CCDC82: variants seen among roughly 807,000 people sequenced by gnomAD.
The protein encoded by CCDC82 is coiled-coil domain-containing protein 82.
Under a neutral mutation model 60.6 loss-of-function variants are expected in CCDC82, and 47 were observed. The observed-to-expected ratio is 0.77, with a 90% CI of 0.61 to 0.99. The LOEUF is 0.99. CCDC82 is among the 50% of genes least tolerant of loss of function. The pLI is 0.00. For missense variants in CCDC82, 588 were observed against 633.0 expected, an observed-to-expected ratio of 0.93 and a Z score of 0.76; for synonymous variants, 212 against 207.4, an observed-to-expected ratio of 1.02 and a Z score of -0.19.
rs1445051720 is a variant in CCDC82 at position 96,384,740 on chromosome 11, T to C, written c.8A>G (p.His3Arg). 4 of 1,588,714 alleles carry C rather than the reference T, an allele frequency of 2.5e-6. No individual in the cohort carries two copies. The highest frequency in any genetic ancestry group is 2.2e-5 in the East Asian group (1 of 44,774). MI[H>R]VRRHETRRNS... is the part of the protein sequence containing the mutation. Reference sequence around the variant, plus strand: ...TCTCCTTGTTTCATGTCTTCTAACATGTATCATTTTCACTTAAGCTTCTAT... The same window carrying C: ...TCTCCTTGTTTCATGTCTTCTAACACGTATCATTTTCACTTAAGCTTCTAT... Residue 3 changes from histidine (H) to arginine (R), a missense_variant, in exon 4 of 10, where the codon CAT becomes CGT. His to Arg is a conservative substitution (Grantham distance 29, BLOSUM62 0). Coordinates refer to ENST00000646818, the MANE Select transcript of CCDC82 (RefSeq NM_024725.4).
At chr11:96,377,160 C>A (rs1222946959) in intron 5 of CCDC82, among the ~76,000 whole-genome samples, 5 of 152,168 alleles carry the variant, frequency 3.3e-5, no homozygotes, top group Admixed American at 6.5e-5. Flanking sequence ...GAGGCAGAGG[C>A]AGAACAAGAA....
Position 96,376,625 on chromosome 11 carries a change from T to C in CCDC82, c.992-3158A>G, listed in dbSNP as rs192993105. On this transcript the variant is annotated intron_variant, in intron 5 of 9. Transcript: ENST00000646818. ...GTACTTTTAGTAGAGACAGGGTTTC[T>C]GTGTGTTGGCCAGGCTGGTCTCGAA... 5.0e-3 allele frequency among the ~76,000 whole-genome samples: 753 copies of C among 152,034 alleles called. 9 individuals are homozygous for C. Among genetic ancestry groups the C allele is most frequent in the African/African-American group, 0.017 (706 of 41,480 alleles).
intron 7 of CCDC82, among the ~76,000 whole-genome samples, chr11:96,369,911 G>A (rs1368532227): frequency 1.3e-5 from 2 of 152,188 alleles, no homozygotes; most frequent in Admixed American, 1.3e-4. Context: ...TCTAAAAGCT[G>A]TGCCTGTACT....
Position 96,384,196 on chromosome 11 carries a change from C to T in CCDC82, c.552G>A (p.Arg184=). The T allele has an allele frequency of 6.2e-7, 1 of 1,613,858 alleles. No homozygotes were observed. Among genetic ancestry groups the T allele is most frequent in the South Asian group, 1.1e-5 (1 of 91,074 alleles). The change falls in exon 4 of 10, where the codon AGG becomes AGA. Residue 184 remains arginine (R), a synonymous_variant. Transcript: ENST00000646818. The part of the protein sequence containing the change: ...EEDIKRGKRK[R]LSSVMCDSDE... The stretch of plus-strand genomic sequence containing the variant: ...CACTGTCACACATCACAGAGGATAG[C>T]CTTTTTCTTTTTCCTCGCTTGATGT...
chr11:96,358,560 G>A (rs764124361), intron 9 of CCDC82: 45 of 1,234,846 alleles, frequency 3.6e-5, no homozygotes, highest in East Asian at 9.4e-5. Context: ...ACTGGCAGCC[G>A]AGATCCTTTC....
Position 96,384,497 on chromosome 11 carries a change from T to G in CCDC82, c.251A>C (p.Glu84Ala). 1.2e-6 allele frequency: 2 copies of G among 1,613,824 alleles called. No homozygotes were observed. The highest frequency in any genetic ancestry group is 1.7e-6 in the Non-Finnish European group (2 of 1,179,818). ...DCNKTPGSER[E>A]LNLSKIQSEG... The stretch of plus-strand genomic sequence containing the variant: ...ACTTTGAATTTTACTTAAGTTGAGC[T>G]CTCTTTCACTTCCTGGTGTTTTATT... The change falls in exon 4 of 10, where the codon GAG (glutamate) becomes GCG (alanine). Residue 84 changes from glutamate to alanine, a missense_variant. Physicochemically the swap from Glu to Ala is moderately radical, Grantham distance 107. Transcript: ENST00000646818.
At chr11:96,369,021 C>T (rs1478635988) in intron 7 of CCDC82, among the ~76,000 whole-genome samples, 1 of 152,316 alleles carries the variant, frequency 6.6e-6, no homozygotes, top group East Asian at 1.9e-4. Flanking sequence ...TGCACTTTTA[C>T]GTTATGGAGA....
At chr11:96,388,867 C>A (rs1003321522) in intron 1 of CCDC82, 1 of 152,066 alleles carries the variant, frequency 6.6e-6, no homozygotes, top group African/African-American at 2.4e-5. Context: ...GATTAATAAG[C>A]CGAAAAATAA....
intron 9 of CCDC82, chr11:96,356,774 A>G (rs1013166411): frequency 1.0e-6 from 1 of 985,144 alleles, no homozygotes; most frequent in African/African-American, 1.7e-5. Context: ...AACCTTTAGA[A>G]GGAAGAACAA....
chr11:96,370,006 G>A (rs1865176922), intron 7 of CCDC82, among the ~76,000 whole-genome samples: 1 of 152,212 alleles, frequency 6.6e-6, no homozygotes. Flanking sequence ...AATGGGTTCA[G>A]AGAGGTTAAA....
chr11:96,354,245 T>C (rs1231704839), intron 9 of CCDC82: 2 of 152,414 alleles, frequency 1.3e-5, no homozygotes, highest in Non-Finnish European at 2.9e-5. Context: ...ATTTAAGTTG[T>C]CCTGGAAAAA....
At chr11:96,367,178 A>G (rs1009726636) in intron 7 of CCDC82, among the ~76,000 whole-genome samples, 1 of 152,238 alleles carries the variant, frequency 6.6e-6, no homozygotes, top group Non-Finnish European at 1.5e-5. Context: ...TTCTTAAAAC[A>G]AGACAATAAA....
chr11:96,361,006 T>C (rs1375823916), intron 8 of CCDC82, among the ~76,000 whole-genome samples: 1 of 152,258 alleles, frequency 6.6e-6, no homozygotes, highest in African/African-American at 2.4e-5. Context: ...TGTACATGGC[T>C]TATTAAAATT....
chr11:96,380,546 C>A (rs1345290161), intron 5 of CCDC82: 1 of 151,762 alleles, frequency 6.6e-6, no homozygotes, highest in Non-Finnish European at 1.5e-5. Context: ...ATGTTTATAG[C>A]AGCTTTATTC....
chr11:96,385,707 G>A (rs1866154650), intron 3 of CCDC82: 1 of 151,942 alleles, frequency 6.6e-6, no homozygotes, highest in Admixed American at 6.6e-5. Context: ...GTATTGGGAA[G>A]GAAAACAAAA....
At chr11:96,355,262 C>T (rs1310003998) in intron 9 of CCDC82, 1 of 152,036 alleles carries the variant, frequency 6.6e-6, no homozygotes, top group Non-Finnish European at 1.5e-5. Flanking sequence ...GTCTCACTAT[C>T]TTGCTCAGGC....
At chr11:96,358,752 G>T in intron 9 of CCDC82, 1 of 915,160 alleles carries the variant, frequency 1.1e-6, no homozygotes, top group Non-Finnish European at 1.5e-6. Flanking sequence ...CTTCAATAAA[G>T]GACAGTGTTA....
At position 96,371,148 on chromosome 11, in the gene CCDC82, G is replaced by T; in HGVS notation, c.1085-11C>A. 1 of 1,504,726 alleles carries T rather than the reference G, an allele frequency of 6.6e-7. No individual in the cohort carries two copies. Among genetic ancestry groups the T allele is most frequent in the Non-Finnish European group, 8.9e-7 (1 of 1,127,046 alleles). 93.2% of individuals were successfully genotyped at this position (1,504,726 alleles called of 1,614,324 possible). On this transcript the variant is annotated splice_polypyrimidine_tract_variant and intron_variant, in intron 6 of 9. Coordinates refer to ENST00000646818, the MANE Select transcript of CCDC82 (RefSeq NM_024725.4). Reference sequence around the variant, plus strand: ...TTTGCCTTGTGCCATCTGTTCAGGGGATAAACAACAAAAAAAATCATTTTG... The same window carrying T: ...TTTGCCTTGTGCCATCTGTTCAGGGTATAAACAACAAAAAAAATCATTTTG...
Position 96,384,261 on chromosome 11 carries a change from G to C in CCDC82, c.487C>G (p.Gln163Glu), listed in dbSNP as rs747141302. 4.3e-6 allele frequency: 7 copies of C among 1,613,502 alleles called. No homozygotes were observed. The highest frequency in any genetic ancestry group is 5.9e-6 in the Non-Finnish European group (7 of 1,179,788). ...TCATCCTCTATTATTTGTCCAGTTTGTTTGTTGAGATCATTATCCTCTTGA... is the reference window on the plus strand; with the variant it reads ...TCATCCTCTATTATTTGTCCAGTTTCTTTGTTGAGATCATTATCCTCTTGA... The part of the protein sequence containing the change: ...LSQEDNDLNK[Q>E]TGQIIEDDLE... The change falls in exon 4 of 10, where the codon CAA (glutamine) becomes GAA (glutamate). Residue 163 changes from glutamine to glutamate, a missense_variant. Transcript: ENST00000646818.
Sources: allele counts gnomAD v4.1 joint callset (sites outside exome capture counted in the v4.1 genomes callset), GRCh38; gene constraint gnomAD v4.1.1; transcripts MANE v1.5; gene names NCBI Gene and HGNC (gene_info 2026-07-23, HGNC 2026-07-21).